FBXL17: variants seen among roughly 807,000 people sequenced by gnomAD.
The protein encoded by FBXL17 is F-box and leucine rich repeat protein 17, also known as F-box/LRR-repeat protein 17.
In FBXL17, 22 loss-of-function variants were observed where a neutral mutation model predicts 66.2. That is an observed-to-expected ratio of 0.33 (90% CI 0.24 to 0.47). The LOEUF is 0.47. Ranked by LOEUF, FBXL17 falls within the 20% of genes least tolerant of loss-of-function variation. The pLI, the probability that FBXL17 is intolerant of heterozygous loss-of-function variation, is 1.00. For missense variants in FBXL17, 878 were observed against 948.2 expected (o/e 0.93, Z 0.97); for synonymous variants, 474 against 400.5 (o/e 1.18, Z -2.19).
intron 8 of FBXL17, among the ~76,000 whole-genome samples, chr5:107,871,069 A>AAACAAAAACAAAAAC (rs1554080840): frequency 1.5e-5 from 2 of 130,174 alleles, no homozygotes; most frequent in South Asian, 4.5e-4. Flanking sequence ...AAAAAAAAAA[A>AAACAAAAACAAAAAC]AAAAAAAAAA....
rs1752071955 is a variant in FBXL17, at chr5:108,158,274, C to T, written c.1745+27843G>A. 1.3e-5 allele frequency among the ~76,000 whole-genome samples: 2 copies of T among 151,980 alleles called. 1 individual carries two copies. The highest frequency in any genetic ancestry group is 1.3e-4 in the Admixed American group (2 of 15,250). The stretch of plus-strand genomic sequence containing the variant: ...CAAAAAGTATATTCTCATTTACCAA[C>T]AACGAATTAGAAAACACTGAACCAA... On this transcript the variant is annotated intron_variant, in intron 6 of 8. Coordinates refer to ENST00000542267, the MANE Select transcript of FBXL17 (RefSeq NM_001163315.3).
chr5:108,108,366 T>TA lies in FBXL17; in HGVS notation c.1745+77750dup, dbSNP rs560305173. Among the ~76,000 whole-genome samples the TA allele has an allele frequency of 1.8e-3, 273 of 152,288 alleles. 1 individual carries two copies. The highest frequency in any genetic ancestry group is 3.1e-3 in the Admixed American group (47 of 15,296). ...CAATAGGGAAATCAACAGTATTTGTTAAAAAAGTAGATAAACAATCAGATG... is the reference window on the plus strand; with the variant it reads ...CAATAGGGAAATCAACAGTATTTGTTAAAAAAAGTAGATAAACAATCAGATG... On this transcript the variant is annotated intron_variant, in intron 6 of 8. Transcript: ENST00000542267.
intron 8 of FBXL17, among the ~76,000 whole-genome samples, chr5:107,873,705 T>C (rs943646477): frequency 6.6e-6 from 1 of 152,216 alleles, no homozygotes; most frequent in Non-Finnish European, 1.5e-5. Flanking sequence ...GAATTGCTGC[T>C]ACCTATTCTA....
At chr5:107,984,848 T>C (rs540920619) in intron 7 of FBXL17, among the ~76,000 whole-genome samples, 8 of 152,312 alleles carry the variant, frequency 5.3e-5, no homozygotes, top group Admixed American at 1.3e-4. Flanking sequence ...ATAAGGATAT[T>C]GTGCATAGAA....
chr5:108,272,839 T>C (rs2150139911), intron 4 of FBXL17, among the ~76,000 whole-genome samples: 1 of 152,312 alleles, frequency 6.6e-6, no homozygotes. Flanking sequence ...TGTGTATGTA[T>C]ATAAAAATAC....
At chr5:107,881,830 C>T (rs1748803757) in intron 7 of FBXL17, among the ~76,000 whole-genome samples, 1 of 152,146 alleles carries the variant, frequency 6.6e-6, no homozygotes, top group South Asian at 2.1e-4. Flanking sequence ...CTTCTATTAA[C>T]ATACAAAATG....
intron 6 of FBXL17, among the ~76,000 whole-genome samples, chr5:108,148,900 C>T (rs1237411475): frequency 2.0e-5 from 3 of 152,164 alleles, no homozygotes; most frequent in Non-Finnish European, 4.4e-5. Context: ...AACAATATCA[C>T]TAATACTATC....
chr5:108,049,054 C>T (rs1747369814), intron 6 of FBXL17, among the ~76,000 whole-genome samples: 1 of 152,102 alleles, frequency 6.6e-6, no homozygotes, highest in Non-Finnish European at 1.5e-5. Context: ...AGTGAGAAAG[C>T]CCAGGTCACC....
chr5:107,978,375 G>A (rs1752668685), intron 7 of FBXL17, among the ~76,000 whole-genome samples: 1 of 152,146 alleles, frequency 6.6e-6, no homozygotes, highest in Non-Finnish European at 1.5e-5. Flanking sequence ...TAAAACTAAT[G>A]AAAGGCCACA....
At chr5:108,180,013 G>C (rs1752939874) in intron 6 of FBXL17, among the ~76,000 whole-genome samples, 1 of 151,952 alleles carries the variant, frequency 6.6e-6, no homozygotes, top group Non-Finnish European at 1.5e-5. Flanking sequence ...AGAAAATGCG[G>C]GCCTAGTATT....
intron 8 of FBXL17, among the ~76,000 whole-genome samples, chr5:107,876,649 C>T (rs961393130): frequency 1.3e-5 from 2 of 152,140 alleles, no homozygotes; most frequent in Non-Finnish European, 2.9e-5. Context: ...AACCTTGTCA[C>T]CCCAAACATT....
intron 6 of FBXL17, among the ~76,000 whole-genome samples, chr5:108,105,216 A>AG (rs1749750919): frequency 6.6e-6 from 1 of 152,206 alleles, no homozygotes; most frequent in African/African-American, 2.4e-5. Flanking sequence ...ATGAATGAAG[A>AG]AAGAGAAGAG....
chr5:107,939,820 A>G (rs925485135), intron 7 of FBXL17, among the ~76,000 whole-genome samples: 9 of 152,122 alleles, frequency 5.9e-5, no homozygotes, highest in African/African-American at 2.2e-4. Flanking sequence ...AGATTAGTCA[A>G]TGAAGGCCCT....
chr5:108,339,700 A>G (rs928383077), intron 4 of FBXL17, among the ~76,000 whole-genome samples: 2 of 152,200 alleles, frequency 1.3e-5, no homozygotes, highest in African/African-American at 4.8e-5. Context: ...GCATTCTAAA[A>G]TTTGATCCAG....
At chr5:108,332,941 C>CAAA (rs34218940) in intron 4 of FBXL17, among the ~76,000 whole-genome samples, 1,007 of 34,522 alleles carry the variant, frequency 0.029, 8 homozygotes, top group Middle Eastern at 0.088. Context: ...AAAGCAAAAG[C>CAAA]AAAAAAAAAA....
chr5:108,217,701 T>C (rs1754668410), intron 5 of FBXL17, among the ~76,000 whole-genome samples: 2 of 152,220 alleles, frequency 1.3e-5, no homozygotes, highest in South Asian at 2.1e-4. Context: ...TAGTCTATGA[T>C]GTACTATAGA....
intron 3 of FBXL17, among the ~76,000 whole-genome samples, chr5:108,350,724 C>T (rs1747591611): frequency 6.6e-6 from 1 of 152,140 alleles, no homozygotes; most frequent in Admixed American, 6.5e-5. Flanking sequence ...ATTCTGTACT[C>T]GGGATTCAGA....
chr5:107,906,643 T>C (rs1301422908), intron 7 of FBXL17, among the ~76,000 whole-genome samples: 1 of 152,142 alleles, frequency 6.6e-6, no homozygotes, highest in Non-Finnish European at 1.5e-5. Context: ...TCTCACCTCA[T>C]ACCACTGGGT....
At chr5:108,304,690 T>C (rs1379707341) in intron 4 of FBXL17, among the ~76,000 whole-genome samples, 1 of 152,078 alleles carries the variant, frequency 6.6e-6, no homozygotes, top group Admixed American at 6.6e-5. Flanking sequence ...CAATTATCAA[T>C]ACAAGAAAGA....
Sources: allele counts gnomAD v4.1 joint callset (sites outside exome capture counted in the v4.1 genomes callset), GRCh38; gene constraint gnomAD v4.1.1; transcripts MANE v1.5; gene names NCBI Gene and HGNC (gene_info 2026-07-23, HGNC 2026-07-21).